Variants in MAB21L4 observed in about 807,000 individuals in gnomAD.
MAB21L4 encodes the protein protein mab-21-like 4.
A neutral mutation model predicts 32.4 loss-of-function variants in MAB21L4; 25 were observed. The ratio of observed to expected loss-of-function variants is 0.77; its 90% confidence interval spans 0.56 to 1.08. The LOEUF is 1.08. Among genes scored for constraint, MAB21L4 ranks in the 50% least tolerant of loss-of-function variants. MAB21L4 has a pLI of 0.00. For missense variants in MAB21L4, 638 were observed against 611.0 expected, an observed-to-expected ratio of 1.04 and a Z score of -0.47; for synonymous variants, 280 against 276.8, an observed-to-expected ratio of 1.01 and a Z score of -0.11.
chr2:240,896,363 AT>A (rs1049313039), upstream of MAB21L4, among the ~76,000 whole-genome samples: 7 of 152,064 alleles, frequency 4.6e-5, no homozygotes, highest in Non-Finnish European at 8.8e-5. Flanking sequence ...CTGGAGAAAT[AT>A]TGCCGCTGGA....
Position 240,895,963 on chromosome 2 carries a change from G to T in MAB21L4, c.35C>A (p.Ala12Asp). Reference protein sequence around the residue: ...PAPALPTSAMAVQVPLWHHYL... With the variant: ...PAPALPTSAMDVQVPLWHHYL... Reference sequence around the variant, plus strand: ...GTGGTGCCACAGGGGCACCTGCACGGCCATGGCTGAGGTGGGGAGAGCAGG... The same window carrying T: ...GTGGTGCCACAGGGGCACCTGCACGTCCATGGCTGAGGTGGGGAGAGCAGG... The change falls in exon 1 of 5, where the codon GCC (alanine) becomes GAC (aspartate). Residue 12 changes from alanine (A) to aspartate (D), a missense_variant. Ala to Asp is a moderately radical substitution (Grantham distance 126). Coordinates refer to ENST00000388934, the MANE Select transcript of MAB21L4 (RefSeq NM_001085437.3). 1 of 1,471,294 alleles carries T rather than the reference G, an allele frequency of 6.8e-7. No individual in the cohort carries two copies. Among genetic ancestry groups the T allele is most frequent in the Non-Finnish European group, 9.0e-7 (1 of 1,115,870 alleles). 91.1% of individuals were successfully genotyped at this position (1,471,294 alleles called of 1,614,324 possible).
intron 1 of MAB21L4, among the ~76,000 whole-genome samples, chr2:240,894,946 C>T (rs1027962378): frequency 1.8e-4 from 27 of 152,242 alleles, no homozygotes; most frequent in Non-Finnish European, 2.2e-4. Context: ...CACCTGCACA[C>T]GCATTCACAC....
rs2059128630 is a variant in MAB21L4 at position 240,889,880 on chromosome 2, C to A, written c.894+125G>T. The stretch of plus-strand genomic sequence containing the variant: ...GAACCTGGGCAGGCCCTCAGAATCC[C>A]CCCAACTCCGACTTGGGACTCATAG... On this transcript the variant is annotated intron_variant, in intron 3 of 4. Coordinates refer to ENST00000388934, the MANE Select transcript of MAB21L4 (RefSeq NM_001085437.3). The A allele has an allele frequency of 5.1e-6, 6 of 1,181,030 alleles. No homozygotes were observed. The African/African-American group carries it at 7.7e-5, about 15-fold the overall frequency. 73.2% of individuals were successfully genotyped at this position (1,181,030 alleles called of 1,614,324 possible). A position where few individuals can be genotyped will look rare whatever the true frequency, so the allele number is the denominator to read the frequency against.
intron 1 of MAB21L4, among the ~76,000 whole-genome samples, chr2:240,894,680 C>T (rs1336073167): frequency 1.3e-5 from 2 of 152,246 alleles, no homozygotes; most frequent in Non-Finnish European, 2.9e-5. Context: ...TAGCCCATGC[C>T]TGTAATCCCA....
chr2:240,887,212 A>G, intron 4 of MAB21L4, 50 bp from the exon 5 acceptor site: 3 of 1,481,640 alleles, frequency 2.0e-6, no homozygotes, highest in Non-Finnish European at 1.9e-6. Flanking sequence ...CCTGGAGCCC[A>G]TGATAAGCTC....
At chr2:240,892,877 A>G (rs1341441745) in intron 1 of MAB21L4, among the ~76,000 whole-genome samples, 4 of 152,060 alleles carry the variant, frequency 2.6e-5, no homozygotes, top group African/African-American at 9.7e-5. Context: ...TCCAGGGTGT[A>G]ATGGGGCTGG....
intron 1 of MAB21L4, chr2:240,892,007 C>G (rs1048775886): frequency 6.6e-7 from 1 of 1,506,952 alleles, no homozygotes. Flanking sequence ...CTCGGCACAA[C>G]TGTCAGCTCA....
At chr2:240,895,395 CAT>C (rs1356038489) in intron 1 of MAB21L4, 87 bp downstream of exon 1, 72 of 1,267,210 alleles carry the variant, frequency 5.7e-5, no homozygotes, top group Admixed American at 1.6e-4. Flanking sequence ...CAATCACACA[CAT>C]GTGCACTCAC....
At chr2:240,896,198 G>A, upstream of MAB21L4, 2 of 1,269,202 alleles carry the variant, frequency 1.6e-6, no homozygotes, top group Non-Finnish European at 2.0e-6. Context: ...CCTTTGAAGT[G>A]GGGGTGAGTC....
In MAB21L4 at chr2:240,890,073, C is replaced by G. The variant is rs757923540; in HGVS notation, c.826G>C (p.Asp276His). ...CGCCAGCTCTCGTGGTTGACCCGGT[C>G]GAGGATGGAGAGGCTGTCCAGGCGA... ...GHRLDSLSIL[D>H]RVNHESWRDS... is the part of the protein sequence containing the mutation. Residue 276 changes from aspartate (D) to histidine (H), a missense_variant, in exon 3 of 5, where the codon GAC (aspartate) becomes CAC (histidine). Physicochemically the swap from Asp to His is moderately conservative, Grantham distance 81 (BLOSUM62 -1). Transcript: ENST00000388934. The G allele has an allele frequency of 6.2e-7, 1 of 1,613,444 alleles. No individual in the cohort carries two copies. Among genetic ancestry groups the G allele is most frequent in the Non-Finnish European group, 8.5e-7 (1 of 1,179,724 alleles).
At chr2:240,887,276 C>T (rs2059103745) in intron 4 of MAB21L4, 114 bp from the exon 5 acceptor site, 1 of 815,936 alleles carries the variant, frequency 1.2e-6, no homozygotes. Context: ...CCATGCCGGG[C>T]CTTCCTGCCC....
At chr2:240,891,358 C>T (rs2059147446) in intron 2 of MAB21L4, among the ~76,000 whole-genome samples, 180 bp downstream of exon 2, 1 of 152,222 alleles carries the variant, frequency 6.6e-6, no homozygotes, top group African/African-American at 2.4e-5. Context: ...GGAGAGGACA[C>T]ATTTCCACCC....
Position 240,890,695 on chromosome 2 carries a change from G to A in MAB21L4, c.741-537C>T, listed in dbSNP as rs2059137494. The stretch of plus-strand genomic sequence containing the variant: ...GCCCACCCTTCAAGGAGCCACAACA[G>A]GGGCCAGTAACGCGCCCAGTGTCCC... On this transcript the variant is annotated intron_variant, in intron 2 of 4. Transcript: ENST00000388934. Among the ~76,000 whole-genome samples the A allele has an allele frequency of 2.6e-5, 4 of 152,242 alleles. No individual in the cohort carries two copies. The South Asian group carries it at 8.3e-4, about 31-fold the overall frequency.
rs1159802991 is a variant in MAB21L4, at chr2:240,895,743, C to T, written c.255G>A (p.Leu85=). ...TCAGTAGAGCCTCGGCATCCACCCA[C>T]AGGGGCACCTCCATGTCCATTGGGT... The part of the protein sequence containing the change: ...SEDPMDMEVP[L]WVDAEALLIE... The change falls in exon 1 of 5, where the codon CTG becomes CTA. Residue 85 remains leucine, a synonymous_variant. Coordinates refer to ENST00000388934, the MANE Select transcript of MAB21L4 (RefSeq NM_001085437.3). The T allele has an allele frequency of 6.2e-7, 1 of 1,612,912 alleles. No homozygotes were observed. Among genetic ancestry groups the T allele is most frequent in the Non-Finnish European group, 8.5e-7 (1 of 1,179,968 alleles).
chr2:240,888,462 G>A lies in MAB21L4; in HGVS notation c.1081C>T (p.Arg361Cys), dbSNP rs747929041. 25 of 1,587,468 alleles carry A rather than the reference G, an allele frequency of 1.6e-5. No homozygotes were observed. The highest frequency in any genetic ancestry group is 1.7e-4 in the Middle Eastern group (1 of 5,960). The change falls in exon 4 of 5, where the codon CGC becomes TGC. Residue 361 changes from arginine to cysteine, a missense_variant. Physicochemically the swap from Arg to Cys is radical, Grantham distance 180. Transcript: ENST00000388934. ...SGLDLGAIYQRVEGFASQPEA... is the reference protein window; with the variant it reads ...SGLDLGAIYQCVEGFASQPEA... ...GGCTGGCTGGCGAAGCCCTCCACGCGCTGGTAGATGGCACCAAGGTCCAGG... is the reference window on the plus strand; with the variant it reads ...GGCTGGCTGGCGAAGCCCTCCACGCACTGGTAGATGGCACCAAGGTCCAGG...
chr2:240,886,669 T>C lies in MAB21L4; in HGVS notation c.*401A>G, dbSNP rs921690196. The C allele has an allele frequency of 6.0e-6, 1 of 166,598 alleles. No individual in the cohort carries two copies. The allele number at this position is 166,598 out of a possible 1,614,324, so 10.3% of individuals were successfully genotyped here. ...TACAAAAAGTGGACAGTACCCTTTC[T>C]GCTGTGTATACCCAGCACATTCATT... On this transcript the variant is annotated 3_prime_UTR_variant, in exon 5 of 5. Coordinates refer to ENST00000388934, the MANE Select transcript of MAB21L4 (RefSeq NM_001085437.3).
At position 240,895,884 on chromosome 2, in the gene MAB21L4, G is replaced by C. The variant is rs768770305; in HGVS notation, c.114C>G (p.Arg38=). 6.5e-7 allele frequency: 1 copy of C among 1,538,964 alleles called. No individual in the cohort carries two copies. Among genetic ancestry groups the C allele is most frequent in the Non-Finnish European group, 8.8e-7 (1 of 1,141,286 alleles). Residue 38 remains arginine (R), a synonymous_variant, in exon 1 of 5, where the codon CGC becomes CGG. Coordinates refer to ENST00000388934, the MANE Select transcript of MAB21L4 (RefSeq NM_001085437.3). The part of the protein sequence containing the change: ...REAPRAQDFQ[R]AENVLLTVLE... ...GCACCGTGAGCAGCACGTTCTCTGC[G>C]CGCTGGAAGTCCTGGGCACGCGGCG...
intron 1 of MAB21L4, among the ~76,000 whole-genome samples, chr2:240,893,719 G>A (rs1198936311): frequency 2.5e-5 from 3 of 117,768 alleles, no homozygotes; most frequent in South Asian, 2.6e-4. Context: ...CTGCAGTATC[G>A]AGTCTGCTTT....
rs767095500 is a variant in MAB21L4, at chr2:240,888,373, G to A, written c.1170C>T (p.Ser390=). ...LGRSPPPRIG[S]GLKALLQLPA... ...GCAGCTGCAGGAGCGCCTTGAGCCC[G>A]GAGCCGATGCGCGGCGGGGGGCTGC... Residue 390 remains serine (S), a synonymous_variant, in exon 4 of 5, where the codon TCC becomes TCT. Coordinates refer to ENST00000388934, the MANE Select transcript of MAB21L4 (RefSeq NM_001085437.3). 171 of 1,569,520 alleles carry A rather than the reference G, an allele frequency of 1.1e-4. No individual in the cohort carries two copies. The highest frequency in any genetic ancestry group is 1.8e-4 in the Middle Eastern group (1 of 5,440).
Sources: allele counts gnomAD v4.1 joint callset (sites outside exome capture counted in the v4.1 genomes callset), GRCh38; gene constraint gnomAD v4.1.1; transcripts MANE v1.5; gene names NCBI Gene and HGNC (gene_info 2026-07-23, HGNC 2026-07-21).